Variants in ZNF180 observed in about 807,000 individuals in gnomAD.
The protein encoded by ZNF180 is zinc finger protein 180.
ZNF180 carries 11 observed loss-of-function variants against 11.8 expected under a neutral mutation model. That is an observed-to-expected ratio of 0.93 (90% CI 0.59 to 1.55). The LOEUF (loss-of-function observed/expected upper bound fraction) is 1.55, where lower values mean the gene tolerates loss of function less well. ZNF180 is among the 40% of genes most tolerant of loss of function. ZNF180 has a pLI of 0.00. For synonymous variants in ZNF180, 287 were observed against 257.7 expected, an observed-to-expected ratio of 1.11 and a Z score of -1.09; for missense variants, 773 against 781.7, an observed-to-expected ratio of 0.99 and a Z score of 0.13.
At position 44,474,555 on chromosome 19, in the gene ZNF180, ACT is replaced by A. The variant is rs1244083447; in HGVS notation, c.*1845_*1846del. ...ACCATATCATTTCTTTCTTTACACG[ACT>A]TGTGAGATAAGTAAGATATCAGTTA... On this transcript the variant is annotated 3_prime_UTR_variant, in exon 5 of 5. Coordinates refer to ENST00000592529, the MANE Select transcript of ZNF180 (RefSeq NM_001278509.3). 1 of 152,202 alleles carries A rather than the reference ACT, an allele frequency of 6.6e-6. No homozygotes were observed. Among genetic ancestry groups the A allele is most frequent in the Non-Finnish European group, 1.5e-5 (1 of 68,020 alleles). The allele number at this position is 152,202 out of a possible 1,614,324, so 9.4% of individuals were successfully genotyped here.
At chr19:44,485,847 CAG>C (rs1345209134) in intron 2 of ZNF180, among the ~76,000 whole-genome samples, 1 of 152,106 alleles carries the variant, frequency 6.6e-6, no homozygotes, top group Non-Finnish European at 1.5e-5. Context: ...AATTCATGTA[CAG>C]AGTTTATTCC....
At chr19:44,497,403 G>A in intron 1 of ZNF180, 26 bp from the exon 2 acceptor site, 2 of 1,574,346 alleles carry the variant, frequency 1.3e-6, no homozygotes, top group East Asian at 4.7e-5. Flanking sequence ...AGTACAGCAT[G>A]AAGATGTAGG....
chr19:44,479,034 A>C (rs946499978), intron 4 of ZNF180, among the ~76,000 whole-genome samples: 1 of 152,232 alleles, frequency 6.6e-6, no homozygotes, highest in Non-Finnish European at 1.5e-5. Flanking sequence ...GGACAAAAGA[A>C]AATTACTGCA....
At position 44,500,228 on chromosome 19, in the gene ZNF180, C is replaced by T. The variant is rs758903926; in HGVS notation, c.-44+47G>A. 8 of 1,613,934 alleles carry T rather than the reference C, an allele frequency of 5.0e-6. No homozygotes were observed. The African/African-American group carries it at 9.3e-5, about 19-fold the overall frequency. On this transcript the variant is annotated intron_variant, in intron 1 of 4. Coordinates refer to ENST00000592529, the MANE Select transcript of ZNF180 (RefSeq NM_001278509.3). ...CTTCCAGCTTCCCGCGTAGACCCTG[C>T]GCATGCGCGCATCGGACACCAAGCG...
intron 3 of ZNF180, 142 bp downstream of exon 3, chr19:44,484,219 C>T (rs1385063960): frequency 4.5e-6 from 3 of 664,860 alleles, no homozygotes; most frequent in Admixed American, 4.6e-5. Context: ...AGGATGGTCT[C>T]GATCTCCTGA....
At chr19:44,484,681 C>A in intron 2 of ZNF180, 1 of 540,568 alleles carries the variant, frequency 1.8e-6, no homozygotes, top group Non-Finnish European at 3.3e-6. Context: ...GTCTTCTGGG[C>A]CAGCCCATTG....
chr19:44,479,491 A>G, intron 3 of ZNF180, 82 bp from the exon 4 acceptor site: 2 of 1,562,006 alleles, frequency 1.3e-6, no homozygotes, highest in Non-Finnish European at 1.7e-6. Context: ...TGACAGATGG[A>G]AAAAGGAAAA....
At chr19:44,500,097 C>T in intron 1 of ZNF180, 178 bp downstream of exon 1, 1 of 1,549,762 alleles carries the variant, frequency 6.5e-7, no homozygotes, top group Non-Finnish European at 8.9e-7. Context: ...ACGCAGAGGA[C>T]AGTCGCGGAA....
rs937826127 is a variant in ZNF180, at chr19:44,474,461, T to C, written c.*1941A>G. Reference sequence around the variant, plus strand: ...TTATATATTTTTTATTTTTACTTTATTTTCTAGGTCTCATCATAGCTCATA... The same window carrying C: ...TTATATATTTTTTATTTTTACTTTACTTTCTAGGTCTCATCATAGCTCATA... On this transcript the variant is annotated 3_prime_UTR_variant, in exon 5 of 5. Transcript: ENST00000592529. The C allele has an allele frequency of 6.6e-6, 1 of 152,162 alleles. No individual in the cohort carries two copies. Among genetic ancestry groups the C allele is most frequent in the African/African-American group, 2.4e-5 (1 of 41,424 alleles). 9.4% of individuals were successfully genotyped at this position (152,162 alleles called of 1,614,324 possible).
At chr19:44,483,289 C>T (rs777547208) in intron 3 of ZNF180, among the ~76,000 whole-genome samples, 3 of 152,154 alleles carry the variant, frequency 2.0e-5, no homozygotes, top group East Asian at 1.9e-4. Context: ...TTCTACTTGA[C>T]GTATTTTTAA....
intron 2 of ZNF180, among the ~76,000 whole-genome samples, chr19:44,489,069 CCGCCCGGCCAGCCGCCCCG>C: frequency 7.6e-6 from 1 of 131,286 alleles, no homozygotes; most frequent in African/African-American, 2.6e-5. Flanking sequence ...GGGTCAGCCC[CCGCCCGGCCAGCCGCCCCG>C]TCCGGGAGGG....
intron 1 of ZNF180, 127 bp downstream of exon 1, chr19:44,500,148 G>C: frequency 6.2e-7 from 1 of 1,613,602 alleles, no homozygotes; most frequent in Admixed American, 1.7e-5. Flanking sequence ...CCGGTGACCC[G>C]AGGCTAAAGC....
intron 2 of ZNF180, among the ~76,000 whole-genome samples, chr19:44,492,971 A>G (rs1479015792): frequency 6.6e-6 from 1 of 152,176 alleles, no homozygotes; most frequent in Non-Finnish European, 1.5e-5. Flanking sequence ...CTTAATCACC[A>G]AATCTAGAAG....
At chr19:44,488,832 C>T (rs1477729717) in intron 2 of ZNF180, among the ~76,000 whole-genome samples, 1 of 152,022 alleles carries the variant, frequency 6.6e-6, no homozygotes, top group Non-Finnish European at 1.5e-5. Flanking sequence ...CACCTCTGCC[C>T]GGCCGCAACC....
intron 2 of ZNF180, among the ~76,000 whole-genome samples, chr19:44,494,522 A>T (rs200272892): frequency 1.9e-5 from 2 of 105,556 alleles, no homozygotes; most frequent in African/African-American, 8.6e-5. Context: ...AAATAAAAAA[A>T]TTAGCTGGGC....
At chr19:44,499,561 T>A (rs967480304) in intron 1 of ZNF180, among the ~76,000 whole-genome samples, 1 of 152,044 alleles carries the variant, frequency 6.6e-6, no homozygotes, top group Non-Finnish European at 1.5e-5. Context: ...TCAGTTCAAG[T>A]TTCTGTTTTC....
At chr19:44,489,399 AATTCTTCT>A (rs1346611236) in intron 2 of ZNF180, among the ~76,000 whole-genome samples, 4 of 142,732 alleles carry the variant, frequency 2.8e-5, no homozygotes, top group African/African-American at 1.0e-4. Context: ...TACTAAGAAA[AATTCTTCT>A]GCCTTGGGAT....
chr19:44,485,926 T>A (rs975850602), intron 2 of ZNF180, among the ~76,000 whole-genome samples: 1 of 152,200 alleles, frequency 6.6e-6, no homozygotes, highest in Admixed American at 6.5e-5. Flanking sequence ...TAATGTAACA[T>A]CCATTAAGTC....
In ZNF180 at chr19:44,477,765, A is replaced by T; in HGVS notation, c.635T>A (p.Ile212Asn). ...TTCATATAGTGTCTCATTCTCATTA[A>T]TCTTCTGATGACTGTTTACAGCAGC... is the stretch of plus-strand genomic sequence containing the variant. ...LNAAVNSHQKINENETLYENN... is the reference protein window; with the variant it reads ...LNAAVNSHQKNNENETLYENN... The change falls in exon 5 of 5, where the codon ATT (isoleucine) becomes AAT (asparagine). Residue 212 changes from isoleucine to asparagine, a missense_variant. By Grantham distance (149) the Ile-to-Asn change is moderately radical. Coordinates refer to ENST00000592529, the MANE Select transcript of ZNF180 (RefSeq NM_001278509.3). 1 of 1,613,956 alleles carries T rather than the reference A, an allele frequency of 6.2e-7. No individual in the cohort carries two copies. Among genetic ancestry groups the T allele is most frequent in the Non-Finnish European group, 8.5e-7 (1 of 1,179,950 alleles).
Sources: gnomAD v4.1 joint callset for allele counts (sites outside exome capture counted in the v4.1 genomes callset) on GRCh38, gnomAD v4.1.1 for gene constraint, MANE v1.5 for transcripts, NCBI Gene and HGNC (gene_info 2026-07-23, HGNC 2026-07-21) for gene names.